Variants in ALG3 observed in about 807,000 individuals in gnomAD.
The protein encoded by ALG3 is ALG3 alpha-1,3- mannosyltransferase, also known as dol-P-Man:Man(5)GlcNAc(2)-PP-Dol alpha-1,3-mannosyltransferase.
In ALG3, 39 loss-of-function variants were observed where a neutral mutation model predicts 50.5. The ratio of observed to expected loss-of-function variants is 0.77; its 90% CI spans 0.60 to 1.01. ALG3 has a LOEUF of 1.01. Among genes scored for constraint, ALG3 ranks in the 50% least tolerant of loss-of-function variants. The pLI is 0.00. For missense variants in ALG3, 520 were observed against 554.8 expected, an observed-to-expected ratio of 0.94 and a Z score of 0.63; for synonymous variants, 252 against 237.2, an observed-to-expected ratio of 1.06 and a Z score of -0.58.
chr3:184,247,105 T>C (rs1348755197), intron 1 of ALG3, among the ~76,000 whole-genome samples: 1 of 151,562 alleles, frequency 6.6e-6, no homozygotes, highest in East Asian at 2.0e-4. Flanking sequence ...GGTGTCAACA[T>C]ATTGGCCAGG....
Position 184,248,922 on chromosome 3 carries a change from T to G in ALG3, c.19A>C (p.Lys7Gln), listed in dbSNP as rs775068875. The change falls in exon 1 of 9, where the codon AAA becomes CAA. Residue 7 changes from lysine (K) to glutamine (Q), a missense_variant. Lys to Gln is a moderately conservative substitution (Grantham distance 53). Coordinates refer to ENST00000397676, the MANE Select transcript of ALG3 (RefSeq NM_005787.6). MAAGLR[K>Q]RGRSGSAAQA... ...GCCGCGGAACCGGACCGGCCGCGTT[T>G]CCGCAGCCCAGCCGCCATCTTAACG... is the stretch of plus-strand genomic sequence containing the variant. 66 of 1,587,576 alleles carry G rather than the reference T, an allele frequency of 4.2e-5. No individual in the cohort carries two copies. The East Asian group carries it at 1.4e-3, about 34-fold the overall frequency.
chr3:184,246,832 A>G (rs1719179518), intron 1 of ALG3, among the ~76,000 whole-genome samples: 1 of 151,932 alleles, frequency 6.6e-6, no homozygotes, highest in Non-Finnish European at 1.5e-5. Flanking sequence ...GTGTGCCACC[A>G]TGCTTGGCTA....
At chr3:184,248,545 A>G (rs547524386) in intron 1 of ALG3, among the ~76,000 whole-genome samples, 200 bp downstream of exon 1, 8 of 152,324 alleles carry the variant, frequency 5.3e-5, no homozygotes, top group African/African-American at 1.9e-4. Flanking sequence ...TCTCTAGGGT[A>G]TCCACCTCTG....
At chr3:184,243,074 C>T (rs1368509139) in intron 7 of ALG3, 117 bp from the exon 8 acceptor site, 6 of 1,412,514 alleles carry the variant, frequency 4.2e-6, no homozygotes, top group African/African-American at 1.4e-5. Flanking sequence ...TTGATGCATG[C>T]CTTTGGGCAA....
chr3:184,249,118 C>T, upstream of ALG3: 2 of 1,461,922 alleles, frequency 1.4e-6, no homozygotes, highest in South Asian at 2.4e-5. Context: ...ATGCACTCCA[C>T]GCTCCATAGG....
intron 8 of ALG3, 51 bp downstream of exon 8, chr3:184,242,762 A>G: frequency 6.2e-7 from 1 of 1,604,336 alleles, no homozygotes; most frequent in South Asian, 1.1e-5. Flanking sequence ...ATAAACCCCC[A>G]ACAGGAACTC....
chr3:184,249,092 G>T, upstream of ALG3: 2 of 1,474,584 alleles, frequency 1.4e-6, no homozygotes, highest in South Asian at 1.2e-5. Context: ...TAATTTTTCT[G>T]CATTTGTCTC....
chr3:184,242,765 AG>A (rs1295199709), intron 8 of ALG3, 47 bp downstream of exon 8: 1 of 1,604,858 alleles, frequency 6.2e-7, no homozygotes, highest in African/African-American at 1.3e-5. Flanking sequence ...AACCCCCAAC[AG>A]GAACTCCCTA....
At chr3:184,242,784 C>T in intron 8 of ALG3, 29 bp downstream of exon 8, 1 of 1,611,838 alleles carries the variant, frequency 6.2e-7, no homozygotes, top group Non-Finnish European at 8.5e-7. Flanking sequence ...CTATCCCTTC[C>T]CACTCCCCCA....
rs905466180 is a variant in ALG3, at chr3:184,244,650, A to G, written c.677T>C (p.Phe226Ser). The G allele has an allele frequency of 1.9e-6, 3 of 1,611,202 alleles. No individual in the cohort carries two copies. Among genetic ancestry groups the G allele is most frequent in the Non-Finnish European group, 2.5e-6 (3 of 1,178,838 alleles). Residue 226 changes from phenylalanine (F) to serine (S), a missense_variant, in exon 5 of 9, where the codon TTT (phenylalanine) becomes TCT (serine). By Grantham distance (155) the Phe-to-Ser change is radical. Transcript: ENST00000397676. Reference sequence around the variant, plus strand: ...CTTGGGGAGGGCCCCACGGAAGCCAAACTGTGTGAGGAGAAGAAACAGTAA... The same window carrying G: ...CTTGGGGAGGGCCCCACGGAAGCCAGACTGTGTGAGGAGAAGAAACAGTAA... ...PGLLFLLLTQ[F>S]GFRGALPKLG...
Position 184,243,126 on chromosome 3 carries a change from A to G in ALG3, c.1010-169T>C, listed in dbSNP as rs558158702. ...GGACCTGCTCCTCAACCAAATATGG[A>G]ATATGGAGAGAGTAATACCTAGGGC... On this transcript the variant is annotated intron_variant, in intron 7 of 8. Transcript: ENST00000397676. The G allele has an allele frequency of 2.4e-4, 212 of 900,658 alleles. No individual in the cohort carries two copies. The African/African-American group carries it at 3.0e-3, about 13-fold the overall frequency. The allele number at this position is 900,658 out of a possible 1,614,324, so 55.8% of individuals were successfully genotyped here.
Position 184,245,698 on chromosome 3 carries a change from C to T in ALG3, c.296+15G>A, listed in dbSNP as rs748135793. The T allele has an allele frequency of 6.2e-7, 1 of 1,611,250 alleles. No individual in the cohort carries two copies. Among genetic ancestry groups the T allele is most frequent in the Non-Finnish European group, 8.5e-7 (1 of 1,177,740 alleles). On this transcript the variant is annotated intron_variant, in intron 2 of 8. Transcript: ENST00000397676. ...AGCCCCTCACATCCTCCCTGAACTTCCTGTCCCCACTCACACAAGTGGTCC... is the reference window on the plus strand; with the variant it reads ...AGCCCCTCACATCCTCCCTGAACTTTCTGTCCCCACTCACACAAGTGGTCC...
chr3:184,245,521 G>A lies in ALG3; in HGVS notation c.391C>T (p.Leu131Phe). 6.2e-7 allele frequency: 1 copy of A among 1,614,026 alleles called. No individual in the cohort carries two copies. The highest frequency in any genetic ancestry group is 8.5e-7 in the Non-Finnish European group (1 of 1,179,896). Residue 131 changes from leucine (L) to phenylalanine (F), a missense_variant, in exon 3 of 9, where the codon CTC becomes TTC. Coordinates refer to ENST00000397676, the MANE Select transcript of ALG3 (RefSeq NM_005787.6). The part of the protein sequence containing the change: ...IRMAQNIFAV[L>F]YLATLLLVFL... ...ACAAGCAGCAAGGTAGCCAGGTAGA[G>A]CACAGCAAAGATGTTCTGGGCCATG...
At chr3:184,249,133 G>A (rs946820021), upstream of ALG3, 1 of 1,495,212 alleles carries the variant, frequency 6.7e-7, no homozygotes, top group Non-Finnish European at 9.2e-7. Context: ...CATAGGAGCA[G>A]GGACAATGTC....
chr3:184,244,917 A>G, intron 4 of ALG3, 196 bp from the exon 5 acceptor site: 2 of 773,840 alleles, frequency 2.6e-6, no homozygotes, highest in East Asian at 2.7e-5. Context: ...CATAGTCTCT[A>G]TGCCTACTAG....
At chr3:184,249,291 G>C, upstream of ALG3, 1 of 1,608,258 alleles carries the variant, frequency 6.2e-7, no homozygotes, top group Non-Finnish European at 8.5e-7. Flanking sequence ...TGTTCATGCT[G>C]TCTCTCCAGG....
chr3:184,244,752 G>T, intron 4 of ALG3, 31 bp from the exon 5 acceptor site: 1 of 1,600,464 alleles, frequency 6.2e-7, no homozygotes, highest in Non-Finnish European at 8.5e-7. Flanking sequence ...GAAGGGTGGA[G>T]ATCAGCTCCA....
At chr3:184,249,329 C>T (rs1200189454), upstream of ALG3, 128 of 1,569,966 alleles carry the variant, frequency 8.2e-5, no homozygotes, top group Non-Finnish European at 1.1e-4. Flanking sequence ...CGCGCCCCTC[C>T]TGCCTGCCCT....
At chr3:184,244,540 C>T (rs1719020508) in intron 5 of ALG3, 61 bp downstream of exon 5, 10 of 1,561,658 alleles carry the variant, frequency 6.4e-6, no homozygotes, top group Non-Finnish European at 8.7e-6. Flanking sequence ...GGGATAGAGC[C>T]CCTCAATCAA....
Sources: gnomAD v4.1 joint callset for allele counts (sites outside exome capture counted in the v4.1 genomes callset) on GRCh38, gnomAD v4.1.1 for gene constraint, MANE v1.5 for transcripts, NCBI Gene and HGNC (gene_info 2026-07-23, HGNC 2026-07-21) for gene names.